Variants in ASPRV1 observed in about 807,000 individuals in gnomAD.
ASPRV1 encodes the protein retroviral-like aspartic protease 1.
A neutral mutation model predicts 11.0 loss-of-function variants in ASPRV1; 7 were observed. The ratio of observed to expected loss-of-function variants is 0.64; its 90% confidence interval spans 0.36 to 1.20. ASPRV1 has a LOEUF of 1.20. ASPRV1 is among the 50% of genes most tolerant of loss of function. ASPRV1 has a pLI of 0.02. For synonymous variants in ASPRV1, 136 were observed against 138.4 expected, an observed-to-expected ratio of 0.98 and a Z score of 0.12; for missense variants, 299 against 320.0, an observed-to-expected ratio of 0.93 and a Z score of 0.50.
the ASPRV1 span, among the ~76,000 whole-genome samples, chr2:70,052,776 G>A: frequency 6.6e-6 from 1 of 152,080 alleles, no homozygotes. Flanking sequence ...CAGATCCTGG[G>A]GAGGCACAAC....
At chr2:70,034,047 G>A in the ASPRV1 span, among the ~76,000 whole-genome samples, 5 of 150,766 alleles carry the variant, frequency 3.3e-5, no homozygotes, top group South Asian at 4.2e-4. Context: ...CCAGCTACAC[G>A]GGAGGCTGAG....
At chr2:69,981,008 T>G in the ASPRV1 span, among the ~76,000 whole-genome samples, 2 of 152,244 alleles carry the variant, frequency 1.3e-5, no homozygotes, top group East Asian at 1.9e-4. Context: ...ACTCCTGACT[T>G]CAGATGATCT....
At chr2:70,017,820 T>C in the ASPRV1 span, among the ~76,000 whole-genome samples, 1 of 151,954 alleles carries the variant, frequency 6.6e-6, no homozygotes, top group East Asian at 1.9e-4. Flanking sequence ...AAGAAAACAA[T>C]CTCATTTACA....
the ASPRV1 span, chr2:69,941,238 A>G: frequency 6.6e-6 from 1 of 152,246 alleles, no homozygotes; most frequent in Non-Finnish European, 1.5e-5. Flanking sequence ...AATTTCATGC[A>G]GTGGGAAAAT....
chr2:70,068,946 C>CAAAAA, the ASPRV1 span, among the ~76,000 whole-genome samples: 6 of 59,052 alleles, frequency 1.0e-4, no homozygotes, highest in East Asian at 4.8e-4. Context: ...ACTCTTGTCT[C>CAAAAA]AAAAAAAAAA....
chr2:70,073,214 T>C, the ASPRV1 span: 4 of 152,166 alleles, frequency 2.6e-5, no homozygotes, highest in Admixed American at 1.3e-4. Flanking sequence ...ATTCCTGTAA[T>C]TGGATGGCAG....
At chr2:70,003,417 G>C in the ASPRV1 span, 1 of 152,284 alleles carries the variant, frequency 6.6e-6, no homozygotes. Context: ...CAGGACACAA[G>C]TGTTTGCCAC....
chr2:70,076,356 C>T, the ASPRV1 span, among the ~76,000 whole-genome samples: 2 of 152,182 alleles, frequency 1.3e-5, no homozygotes, highest in South Asian at 2.1e-4. Context: ...ACTTTATTTA[C>T]CTTATTTCTC....
chr2:69,939,486 A>C, the ASPRV1 span: 1 of 152,680 alleles, frequency 6.5e-6, no homozygotes, highest in African/African-American at 2.4e-5. Context: ...GCACATGTAT[A>C]TGTACATAAG....
At chr2:69,996,558 C>T in the ASPRV1 span, 3 of 385,416 alleles carry the variant, frequency 7.8e-6, no homozygotes, top group Non-Finnish European at 1.6e-5. Flanking sequence ...CAGTGATGTT[C>T]CAGAACAACA....
At chr2:70,085,213 C>T in the ASPRV1 span, among the ~76,000 whole-genome samples, 1 of 152,112 alleles carries the variant, frequency 6.6e-6, no homozygotes, top group Non-Finnish European at 1.5e-5. Flanking sequence ...GTCAGTCATA[C>T]AAAAAACCAT....
chr2:69,937,069 G>A, the ASPRV1 span: 1 of 881,900 alleles, frequency 1.1e-6, no homozygotes. Context: ...GAAGCCAGGA[G>A]TCACTGGCCA....
the ASPRV1 span, chr2:70,085,671 A>T: frequency 6.6e-6 from 1 of 152,238 alleles, no homozygotes; most frequent in African/African-American, 2.4e-5. Flanking sequence ...CACCTACCTC[A>T]GAGGACCATG....
At chr2:70,010,881 G>A in the ASPRV1 span, among the ~76,000 whole-genome samples, 1 of 152,294 alleles carries the variant, frequency 6.6e-6, no homozygotes. Context: ...GAGTGCTGGA[G>A]GTCAGGACAG....
the ASPRV1 span, chr2:70,015,901 T>C: frequency 6.6e-6 from 1 of 152,182 alleles, no homozygotes; most frequent in South Asian, 2.1e-4. Flanking sequence ...AGGAGGAGGT[T>C]TCAGTGAGCC....
chr2:70,073,949 C>T, the ASPRV1 span, among the ~76,000 whole-genome samples: 3 of 151,516 alleles, frequency 2.0e-5, no homozygotes, highest in East Asian at 2.0e-4. Flanking sequence ...CTGGCTAACA[C>T]GGTGAAATCC....
the ASPRV1 span, among the ~76,000 whole-genome samples, chr2:69,983,006 T>C: frequency 6.6e-6 from 1 of 152,028 alleles, no homozygotes; most frequent in Non-Finnish European, 1.5e-5. Flanking sequence ...GCAACCTCCA[T>C]CTCCAGCGTT....
At chr2:70,025,994 G>A in the ASPRV1 span, among the ~76,000 whole-genome samples, 1 of 152,214 alleles carries the variant, frequency 6.6e-6, no homozygotes, top group African/African-American at 2.4e-5. Flanking sequence ...AGAAAGAGAT[G>A]CCACATCATG....
chr2:69,953,179 TCTGTAC>T, the ASPRV1 span, among the ~76,000 whole-genome samples: 1 of 152,252 alleles, frequency 6.6e-6, no homozygotes, highest in Non-Finnish European at 1.5e-5. Context: ...TTCCCCATCT[TCTGTAC>T]CTGCCTAAAC....
Sources: gnomAD v4.1 joint callset for allele counts (sites outside exome capture counted in the v4.1 genomes callset) on GRCh38, gnomAD v4.1.1 for gene constraint, MANE v1.5 for transcripts, NCBI Gene and HGNC (gene_info 2026-07-23, HGNC 2026-07-21) for gene names.